The following KCNIP4 variants were observed in gnomAD, a reference collection of about 807,000 sequenced individuals.
KCNIP4 encodes potassium voltage-gated channel interacting protein 4.
A neutral mutation model predicts 34.0 loss-of-function variants in KCNIP4; 12 were observed. That is an observed-to-expected ratio of 0.35 (90% CI 0.23 to 0.57). KCNIP4 has a LOEUF of 0.57. Ranked by LOEUF, KCNIP4 falls within the 20% of genes least tolerant of loss-of-function variation. The pLI is 0.83. For missense variants in KCNIP4, 238 were observed against 311.7 expected (o/e 0.76, Z 1.78); for synonymous variants, 124 against 102.2 (o/e 1.21, Z -1.29).
At chr4:21,625,128 C>T (rs1577712226) in intron 1 of KCNIP4, among the ~76,000 whole-genome samples, 1 of 151,876 alleles carries the variant, frequency 6.6e-6, no homozygotes, top group African/African-American at 2.4e-5. Context: ...TTTGTTGGTC[C>T]TCCTTTGCTG....
At chr4:21,401,088 G>C (rs779290272) in intron 1 of KCNIP4, among the ~76,000 whole-genome samples, 5 of 152,104 alleles carry the variant, frequency 3.3e-5, no homozygotes, top group Admixed American at 6.6e-5. Flanking sequence ...TTGAATCCAG[G>C]AGGCAGAGGT....
At chr4:20,814,534 G>A (rs953090837) in intron 3 of KCNIP4, among the ~76,000 whole-genome samples, 1 of 152,150 alleles carries the variant, frequency 6.6e-6, no homozygotes, top group African/African-American at 2.4e-5. Flanking sequence ...TCTAGGCTCT[G>A]CCTCATATTA....
At chr4:20,783,175 A>C (rs973724592) in intron 3 of KCNIP4, among the ~76,000 whole-genome samples, 1 of 152,180 alleles carries the variant, frequency 6.6e-6, no homozygotes, top group Admixed American at 6.5e-5. Flanking sequence ...TTTTGGGCAA[A>C]GCCATTCAAC....
intron 1 of KCNIP4, among the ~76,000 whole-genome samples, chr4:21,394,830 G>GA: frequency 6.6e-6 from 1 of 152,194 alleles, no homozygotes; most frequent in South Asian, 2.1e-4. Flanking sequence ...CCCTGTAACT[G>GA]AAAAAGTCTT....
chr4:21,752,237 G>C (rs184447081), intron 1 of KCNIP4, among the ~76,000 whole-genome samples: 2 of 152,044 alleles, frequency 1.3e-5, no homozygotes, highest in African/African-American at 4.8e-5. Context: ...TCAGAGACTG[G>C]GTAATTTATA....
chr4:21,057,543 A>G (rs111599940), intron 1 of KCNIP4, among the ~76,000 whole-genome samples: 4 of 152,170 alleles, frequency 2.6e-5, no homozygotes, highest in Non-Finnish European at 4.4e-5. Context: ...ATTTTTTATA[A>G]AAAGCATTAA....
chr4:20,839,763 A>G (rs1352797), intron 3 of KCNIP4, among the ~76,000 whole-genome samples: 5,186 of 152,248 alleles, frequency 0.034, 230 homozygotes, highest in East Asian at 0.21. Flanking sequence ...TTTGCAAAGC[A>G]TCTATGAGAT....
At chr4:20,970,884 C>T (rs1036692345) in intron 1 of KCNIP4, among the ~76,000 whole-genome samples, 2 of 152,166 alleles carry the variant, frequency 1.3e-5, no homozygotes, top group Non-Finnish European at 2.9e-5. Context: ...AAGATAAGTG[C>T]TCTACATATG....
chr4:20,984,359 T>C lies in KCNIP4; in HGVS notation c.62-101650A>G, dbSNP rs368149986. 3.8e-4 allele frequency among the ~76,000 whole-genome samples: 58 copies of C among 152,332 alleles called. 1 individual carries two copies. In the East Asian group the frequency reaches 0.01, roughly 27 times the overall value. On this transcript the variant is annotated intron_variant, in intron 1 of 8. Transcript: ENST00000382152. ...GGACGCGAGGCTGGGCAGATCTGTCTGCGCGCTAGTTTTCTGCCTGAGAAG... is the reference window on the plus strand; with the variant it reads ...GGACGCGAGGCTGGGCAGATCTGTCCGCGCGCTAGTTTTCTGCCTGAGAAG...
intron 1 of KCNIP4, among the ~76,000 whole-genome samples, chr4:21,218,240 C>T: frequency 6.6e-6 from 1 of 151,882 alleles, no homozygotes; most frequent in South Asian, 2.1e-4. Context: ...GTCTCGAACT[C>T]CTGACCTCAG....
At chr4:21,668,642 A>G (rs920364390) in intron 1 of KCNIP4, among the ~76,000 whole-genome samples, 1 of 152,170 alleles carries the variant, frequency 6.6e-6, no homozygotes, top group African/African-American at 2.4e-5. Flanking sequence ...AATATATACA[A>G]TTCTAACATG....
At chr4:21,890,968 T>A (rs1380784918) in intron 1 of KCNIP4, among the ~76,000 whole-genome samples, 1 of 152,094 alleles carries the variant, frequency 6.6e-6, no homozygotes, top group Non-Finnish European at 1.5e-5. Context: ...ATGCAGTTTA[T>A]ATAGCATTTT....
At chr4:20,830,161 A>T (rs537069235) in intron 3 of KCNIP4, among the ~76,000 whole-genome samples, 14 of 152,306 alleles carry the variant, frequency 9.2e-5, no homozygotes, top group Admixed American at 2.0e-4. Flanking sequence ...TCCTCATTAC[A>T]TGAGTCAGTA....
intron 2 of KCNIP4, among the ~76,000 whole-genome samples, chr4:20,869,211 G>A (rs1723174279): frequency 6.6e-6 from 1 of 151,990 alleles, no homozygotes. Flanking sequence ...AAAGTATTCT[G>A]CACTAAAACA....
chr4:21,314,397 T>G (rs1713509253), intron 1 of KCNIP4, among the ~76,000 whole-genome samples: 1 of 152,184 alleles, frequency 6.6e-6, no homozygotes, highest in Non-Finnish European at 1.5e-5. Flanking sequence ...CAAATCCAAT[T>G]CACACTTGAA....
Position 21,854,213 on chromosome 4 carries a change from G to C in KCNIP4, c.61+94358C>G, listed in dbSNP as rs114414586. 7.4e-3 allele frequency among the ~76,000 whole-genome samples: 1,134 copies of C among 152,244 alleles called. 15 individuals are homozygous for C. Among genetic ancestry groups the C allele is most frequent in the African/African-American group, 0.024 (1,017 of 41,530 alleles). On this transcript the variant is annotated intron_variant, in intron 1 of 8. Transcript: ENST00000382152. ...ATAAAACGGTAAGTATCAAGAAAGG[G>C]ACAGACATAACTGCTCCTGCACTCA... is the stretch of plus-strand genomic sequence containing the variant.
intron 1 of KCNIP4, chr4:21,843,757 G>C (rs541802741): frequency 3.9e-5 from 6 of 152,174 alleles, no homozygotes; most frequent in African/African-American, 1.4e-4. Flanking sequence ...GAAAGAGAAA[G>C]AAAGAATACG....
intron 1 of KCNIP4, among the ~76,000 whole-genome samples, chr4:21,744,236 A>T (rs1233808309): frequency 2.0e-5 from 3 of 152,178 alleles, no homozygotes; most frequent in African/African-American, 7.2e-5. Context: ...CCCTCTGCCT[A>T]CAACCCCTTG....
chr4:21,031,849 C>A (rs1237753231), intron 1 of KCNIP4, among the ~76,000 whole-genome samples: 1 of 152,290 alleles, frequency 6.6e-6, no homozygotes, highest in African/African-American at 2.4e-5. Flanking sequence ...ACTTCTAAAG[C>A]AAAGCTTTTC....
Sources: allele counts gnomAD v4.1 joint callset (sites outside exome capture counted in the v4.1 genomes callset), GRCh38; gene constraint gnomAD v4.1.1; transcripts MANE v1.5; gene names NCBI Gene and HGNC (gene_info 2026-07-23, HGNC 2026-07-21).